The following SDK2 variants were observed in gnomAD, a reference collection of about 807,000 sequenced individuals.
The protein encoded by SDK2 is sidekick cell adhesion molecule 2, also known as protein sidekick-2.
In SDK2, 105 loss-of-function variants were observed where a neutral mutation model predicts 253.9. That is an observed-to-expected ratio of 0.41 (90% CI 0.35 to 0.49). SDK2 has a LOEUF of 0.49. Ranked by LOEUF, SDK2 falls within the 20% of genes least tolerant of loss-of-function variation. The pLI is 0.06. For missense variants in SDK2, 2,608 were observed against 3,003.0 expected, an observed-to-expected ratio of 0.87 and a Z score of 3.07; for synonymous variants, 1,249 against 1,234.9, an observed-to-expected ratio of 1.01 and a Z score of -0.24.
At chr17:73,422,233 G>A in intron 15 of SDK2, 54 bp downstream of exon 15, 1 of 1,597,544 alleles carries the variant, frequency 6.3e-7, no homozygotes, top group East Asian at 2.2e-5. Flanking sequence ...TTCGGCTGCA[G>A]CCCCTGCCTG....
chr17:73,479,034 C>T (rs958154136), intron 2 of SDK2, among the ~76,000 whole-genome samples: 1 of 152,290 alleles, frequency 6.6e-6, no homozygotes, highest in Non-Finnish European at 1.5e-5. Context: ...ATGCAATCCA[C>T]CTCCCTGCAA....
At chr17:73,636,282 A>G (rs1201977356) in intron 1 of SDK2, among the ~76,000 whole-genome samples, 1 of 152,142 alleles carries the variant, frequency 6.6e-6, no homozygotes, top group African/African-American at 2.4e-5. Context: ...GGACTGAGGC[A>G]GACGATGGTT....
intron 36 of SDK2, among the ~76,000 whole-genome samples, chr17:73,371,534 G>A (rs1330988341): frequency 1.3e-5 from 2 of 152,148 alleles, no homozygotes; most frequent in Admixed American, 6.5e-5. Context: ...GTGGGGTGGC[G>A]GGGATGAGAA....
At chr17:73,530,608 C>T (rs148597889) in intron 1 of SDK2, among the ~76,000 whole-genome samples, 26 of 152,294 alleles carry the variant, frequency 1.7e-4, no homozygotes, top group African/African-American at 4.3e-4. Context: ...GTAAGCCCCT[C>T]GCAGGGGTGT....
chr17:73,456,064 G>A lies in SDK2; in HGVS notation c.332-11C>T, dbSNP rs2063524163. On this transcript the variant is annotated splice_polypyrimidine_tract_variant and intron_variant, in intron 3 of 44. Transcript: ENST00000392650. Reference sequence around the variant, plus strand: ...CAAAGCTCCCCATGTCTGCAGCCGGGACAACGGCAGTAGGATCAGGGGCGG... The same window carrying A: ...CAAAGCTCCCCATGTCTGCAGCCGGAACAACGGCAGTAGGATCAGGGGCGG... 2 of 1,477,222 alleles carry A rather than the reference G, an allele frequency of 1.4e-6. No homozygotes were observed. 91.5% of individuals were successfully genotyped at this position (1,477,222 alleles called of 1,614,324 possible). A position where few individuals can be genotyped will look rare whatever the true frequency, so the allele number is the denominator to read the frequency against.
Position 73,642,997 on chromosome 17 carries a change from C to T in SDK2, c.64+1028G>A, listed in dbSNP as rs1223488711. 1 of 152,234 alleles carries T rather than the reference C, an allele frequency of 6.6e-6. No homozygotes were observed. The highest frequency in any genetic ancestry group is 6.5e-5 in the Admixed American group (1 of 15,282). The allele number at this position is 152,234 out of a possible 1,614,324, so 9.4% of individuals were successfully genotyped here. On this transcript the variant is annotated intron_variant, in intron 1 of 44. Coordinates refer to ENST00000392650, the MANE Select transcript of SDK2 (RefSeq NM_001144952.2). This position sits in a 1 kb window ranked among gnomAD's most constrained non-coding sequence, Gnocchi z 4.7. Reference sequence around the variant, plus strand: ...AGAGTGAAGGCCTAGCCCTGCGAGTCCTGGAGCTCGGTCCAGGCTTCGTCT... The same window carrying T: ...AGAGTGAAGGCCTAGCCCTGCGAGTTCTGGAGCTCGGTCCAGGCTTCGTCT...
chr17:73,476,578 G>A (rs1010209217), intron 2 of SDK2, among the ~76,000 whole-genome samples: 16 of 152,308 alleles, frequency 1.1e-4, no homozygotes, highest in African/African-American at 3.8e-4. Flanking sequence ...TCAGTGAGGC[G>A]TGGTGAAATT....
chr17:73,443,003 T>C lies in SDK2; in HGVS notation c.614-2080A>G, dbSNP rs1420969985. Among the ~76,000 whole-genome samples the C allele has an allele frequency of 1.3e-5, 2 of 152,144 alleles. No individual in the cohort carries two copies. The highest frequency in any genetic ancestry group is 3.9e-4 in the East Asian group (2 of 5,184). ...CTGTGTATGCCTGATCCATGGCTCC[T>C]GAAAATACAACCTCTGAGGACTTTT... On this transcript the variant is annotated intron_variant, in intron 5 of 44. Coordinates refer to ENST00000392650, the MANE Select transcript of SDK2 (RefSeq NM_001144952.2). The surrounding 1 kb of genome is among the most constrained non-coding windows in gnomAD (Gnocchi z 4.6).
chr17:73,355,174 A>ATATATAT, intron 40 of SDK2, among the ~76,000 whole-genome samples: 1 of 47,224 alleles, frequency 2.1e-5, no homozygotes, highest in Non-Finnish European at 3.4e-5. Context: ...ATATATATAT[A>ATATATAT]TTTTTTTTTT....
At chr17:73,357,912 G>GC in intron 40 of SDK2, 167 bp downstream of exon 40, 4 of 1,045,788 alleles carry the variant, frequency 3.8e-6, no homozygotes, top group South Asian at 3.8e-5. Flanking sequence ...AGCTCTAGGA[G>GC]CCCCCCAACC....
chr17:73,428,939 A>G (rs960231703), intron 12 of SDK2, among the ~76,000 whole-genome samples: 5 of 152,090 alleles, frequency 3.3e-5, no homozygotes, highest in African/African-American at 1.2e-4. Context: ...CCCTTCAGTA[A>G]CCTGGTACAG....
rs1472088772 is a variant in SDK2, at chr17:73,368,552, T to A, written c.5022A>T (p.Arg1674=). 1 of 1,606,088 alleles carries A rather than the reference T, an allele frequency of 6.2e-7. No homozygotes were observed. Among genetic ancestry groups the A allele is most frequent in the Non-Finnish European group, 8.5e-7 (1 of 1,176,744 alleles). The part of the protein sequence containing the change: ...WEAQRGNLTE[R]VKTLFLAENS... ...TCTCAGCCAGGAAAAGCGTCTTCAC[T>A]CGCTCTGTGAGGTTCCCCCGCTGGG... The change falls in exon 37 of 45, where the codon CGA becomes CGT. Residue 1674 remains arginine, a synonymous_variant. Coordinates refer to ENST00000392650, the MANE Select transcript of SDK2 (RefSeq NM_001144952.2).
chr17:73,437,478 T>C (rs2063379195), intron 8 of SDK2, among the ~76,000 whole-genome samples: 1 of 152,184 alleles, frequency 6.6e-6, no homozygotes. Flanking sequence ...AATTTGGGTC[T>C]GTCACCTGTC....
intron 1 of SDK2, among the ~76,000 whole-genome samples, chr17:73,631,529 G>A (rs2046270271): frequency 6.6e-6 from 1 of 152,212 alleles, no homozygotes; most frequent in African/African-American, 2.4e-5. Flanking sequence ...GGGCAGGTGG[G>A]CTGCCGGCCA....
intron 18 of SDK2, among the ~76,000 whole-genome samples, chr17:73,411,089 TAGG>T (rs1357077394): frequency 1.3e-5 from 2 of 151,698 alleles, no homozygotes; most frequent in Non-Finnish European, 2.9e-5. Flanking sequence ...GGGTCCCAAT[TAGG>T]AGAGTTTTCC....
intron 1 of SDK2, among the ~76,000 whole-genome samples, chr17:73,604,601 G>C (rs1436261399): frequency 6.6e-6 from 1 of 152,238 alleles, no homozygotes; most frequent in Non-Finnish European, 1.5e-5. Flanking sequence ...GGAGGCTGCT[G>C]CAACAGTCCA....
chr17:73,379,407 G>T lies in SDK2; in HGVS notation c.4864+41C>A. 1.9e-6 allele frequency: 3 copies of T among 1,547,562 alleles called. No individual in the cohort carries two copies. The South Asian group carries it at 3.5e-5, about 18-fold the overall frequency. Reference sequence around the variant, plus strand: ...CTTCCAGCTGAACTGGGTGGGGCTGGGAAAGGCATGCTGGGGCCGGACAGG... The same window carrying T: ...CTTCCAGCTGAACTGGGTGGGGCTGTGAAAGGCATGCTGGGGCCGGACAGG... On this transcript the variant is annotated intron_variant, in intron 35 of 44. Transcript: ENST00000392650. This position sits in a 1 kb window ranked among gnomAD's most constrained non-coding sequence, Gnocchi z 4.5.
At chr17:73,377,854 TG>T (rs1888035729) in intron 36 of SDK2, among the ~76,000 whole-genome samples, 1 of 151,690 alleles carries the variant, frequency 6.6e-6, no homozygotes, top group Non-Finnish European at 1.5e-5. Flanking sequence ...TCAGGTGATC[TG>T]CCCGCCTTGG....
At chr17:73,471,289 G>A (rs1363904616) in intron 3 of SDK2, among the ~76,000 whole-genome samples, 1 of 152,104 alleles carries the variant, frequency 6.6e-6, no homozygotes, top group East Asian at 1.9e-4. Flanking sequence ...AGGGTTGAGC[G>A]AGTTGGAGGA....
Sources: allele counts gnomAD v4.1 joint callset (sites outside exome capture counted in the v4.1 genomes callset), GRCh38; gene constraint gnomAD v4.1.1; non-coding constraint Gnocchi (gnomAD v3.1); transcripts MANE v1.5; gene names NCBI Gene and HGNC (gene_info 2026-07-23, HGNC 2026-07-21).